Variants in PLA2G4F observed in about 807,000 individuals in gnomAD.
PLA2G4F encodes the protein cytosolic phospholipase A2 zeta.
In PLA2G4F, 105 loss-of-function variants were observed where a neutral mutation model predicts 103.1. The ratio of observed to expected loss-of-function variants is 1.02; its 90% confidence interval spans 0.87 to 1.20. The LOEUF is 1.20. Ranked by LOEUF, PLA2G4F falls within the 50% of genes most tolerant of loss-of-function variation. The probability of loss-of-function intolerance (pLI) is 0.00; values close to 1 mark genes in which losing one functional copy is unlikely to be tolerated. For missense variants in PLA2G4F, 1,155 were observed against 1,075.9 expected (o/e 1.07, Z -1.03); for synonymous variants, 468 against 441.1 (o/e 1.06, Z -0.76).
intron 6 of PLA2G4F, 51 bp downstream of exon 6, chr15:42,153,249 C>T (rs1216201155): frequency 1.0e-5 from 16 of 1,568,564 alleles, no homozygotes; most frequent in Non-Finnish European, 1.3e-5. Flanking sequence ...GTCACGGGTT[C>T]CTCACTGCCC....
intron 6 of PLA2G4F, among the ~76,000 whole-genome samples, chr15:42,152,980 C>T (rs564468970): frequency 1.3e-5 from 2 of 152,310 alleles, no homozygotes; most frequent in South Asian, 2.1e-4. Context: ...AGCCCCTCTC[C>T]CCAGACTCAG....
chr15:42,150,923 C>G, intron 7 of PLA2G4F, 146 bp from the exon 8 acceptor site: 3 of 1,449,716 alleles, frequency 2.1e-6, no homozygotes, highest in Non-Finnish European at 2.7e-6. Flanking sequence ...CTCTTGAGCA[C>G]TGCTCATAGA....
In PLA2G4F at chr15:42,142,681, G is replaced by T; in HGVS notation, c.2176C>A (p.Arg726=). The change falls in exon 19 of 20, where the codon CGA becomes AGA. Residue 726 remains arginine, a synonymous_variant. Coordinates refer to ENST00000397272, the MANE Select transcript of PLA2G4F (RefSeq NM_213600.4). ...LKMTEKYCLD[R]GIPFPSIEVG... ...TCGATGCTAGGGAAGGGGATTCCTC[G>T]GTCCAGGCAGTACTTCTCTGTCATC... 3 of 1,614,056 alleles carry T rather than the reference G, an allele frequency of 1.9e-6. No homozygotes were observed. Among genetic ancestry groups the T allele is most frequent in the Non-Finnish European group, 2.5e-6 (3 of 1,180,012 alleles).
Position 42,154,201 on chromosome 15 carries a change from A to C in PLA2G4F, c.341T>G (p.Leu114Arg). 6.2e-7 allele frequency: 1 copy of C among 1,614,224 alleles called. No individual in the cohort carries two copies. Among genetic ancestry groups the C allele is most frequent in the African/African-American group, 1.3e-5 (1 of 75,062 alleles). Reference sequence around the variant, plus strand: ...GCTGCCCAGGATGTCCTTGTCATAGAGGGTGAGCTCCAGGACGTTCTGGGG... The same window carrying C: ...GCTGCCCAGGATGTCCTTGTCATAGCGGGTGAGCTCCAGGACGTTCTGGGG... ...GAVKNVLELT[L>R]YDKDILGSDQ... Residue 114 changes from leucine (L) to arginine (R), a missense_variant, in exon 4 of 20, where the codon CTC (leucine) becomes CGC (arginine). Transcript: ENST00000397272.
rs201687925 is a variant in PLA2G4F, at chr15:42,147,334, T to G, written c.1209A>C (p.Thr403=). 1 of 1,606,632 alleles carries G rather than the reference T, an allele frequency of 6.2e-7. No homozygotes were observed. The highest frequency in any genetic ancestry group is 2.2e-5 in the East Asian group (1 of 44,834). The change falls in exon 13 of 20, where the codon ACA becomes ACC. Residue 403 remains threonine (T), a synonymous_variant. Transcript: ENST00000397272. ...GGGACCAGGCTGGGTCCCTGTAGAG[T>G]GTGGAGATGCACCTGGGGATTGGAG... ...GVSGSTWCIS[T]LYRDPAWSQV... is the part of the protein sequence containing the mutation.
chr15:42,149,738 A>T lies in PLA2G4F; in HGVS notation c.1034T>A (p.Leu345Ter). The T allele has an allele frequency of 6.2e-7, 1 of 1,614,148 alleles. No individual in the cohort carries two copies. The highest frequency in any genetic ancestry group is 8.5e-7 in the Non-Finnish European group (1 of 1,180,006). Residue 345 changes from leucine (L) to a stop codon, truncating the protein, a stop_gained, in exon 11 of 20, where the codon TTG becomes TAG. Transcript: ENST00000397272. LOFTEE classifies it high-confidence loss of function. ...VSKALQQVLG[L>*]SEALDSGQVP... ...CTGGCCACTGTCCAGAGCCTCACTC[A>T]ATCCCAGCACTTGCTGCAGGGCCTT...
intron 13 of PLA2G4F, among the ~76,000 whole-genome samples, chr15:42,146,507 G>A (rs1190549471): frequency 3.3e-5 from 5 of 152,208 alleles, no homozygotes; most frequent in African/African-American, 1.2e-4. Flanking sequence ...AGAACACCAG[G>A]GAGTCAGGGT....
At chr15:42,142,906 C>A (rs2141124820) in intron 18 of PLA2G4F, among the ~76,000 whole-genome samples, 192 bp from the exon 19 acceptor site, 1 of 152,168 alleles carries the variant, frequency 6.6e-6, no homozygotes, top group African/African-American at 2.4e-5. Flanking sequence ...TCCGGCCGGG[C>A]ATGGTGGCTC....
At chr15:42,144,838 CTA>C (rs773009014) in intron 16 of PLA2G4F, among the ~76,000 whole-genome samples, 194 bp from the exon 17 acceptor site, 83 of 152,318 alleles carry the variant, frequency 5.4e-4, no homozygotes, top group Admixed American at 2.7e-3. Flanking sequence ...TTTGTATCCT[CTA>C]TGTTTTGAAA....
chr15:42,155,347 T>C (rs2049005766), intron 2 of PLA2G4F, among the ~76,000 whole-genome samples, 170 bp downstream of exon 2: 1 of 152,072 alleles, frequency 6.6e-6, no homozygotes, highest in Non-Finnish European at 1.5e-5. Flanking sequence ...CACACATACT[T>C]GCACAGATGC....
chr15:42,148,902 A>G (rs1438537599), intron 11 of PLA2G4F: 1 of 985,320 alleles, frequency 1.0e-6, no homozygotes, highest in East Asian at 1.1e-4. Flanking sequence ...GACAGAGCAG[A>G]CACCTAGCAC....
chr15:42,150,487 CTG>C lies in PLA2G4F; in HGVS notation c.772-3_772-2del. ...CCTCCAACTCTGCGCTGGGGCCACTCTGTGGAAAAGAAAACACCCAAGAAGCT... is the reference window on the plus strand; with the variant it reads ...CCTCCAACTCTGCGCTGGGGCCACTCTGGAAAAGAAAACACCCAAGAAGCT... On this transcript the variant is annotated splice_acceptor_variant and splice_polypyrimidine_tract_variant and intron_variant, in intron 8 of 19. Transcript: ENST00000397272. LOFTEE classifies it high-confidence loss of function. 6.8e-6 allele frequency: 11 copies of C among 1,611,122 alleles called. No homozygotes were observed. The highest frequency in any genetic ancestry group is 9.3e-6 in the Non-Finnish European group (11 of 1,178,972).
In PLA2G4F at chr15:42,148,685, G is replaced by T. The variant is rs986594234; in HGVS notation, c.1060-923C>A. ...CTAGACCTGCCCCCAGGCACCAAAG[G>T]TGCCCAGAGGTTTTAAGGTCTCAGG... On this transcript the variant is annotated intron_variant, in intron 11 of 19. Coordinates refer to ENST00000397272, the MANE Select transcript of PLA2G4F (RefSeq NM_213600.4). The T allele has an allele frequency of 9.1e-6, 9 of 985,418 alleles. No individual in the cohort carries two copies. In the Admixed American group the frequency reaches 3.1e-4, roughly 34 times the overall value. 61.0% of individuals were successfully genotyped at this position (985,418 alleles called of 1,614,324 possible).
At chr15:42,144,980 A>G (rs911735967) in intron 16 of PLA2G4F, among the ~76,000 whole-genome samples, 1 of 152,238 alleles carries the variant, frequency 6.6e-6, no homozygotes, top group African/African-American at 2.4e-5. Flanking sequence ...CCAGCACTGC[A>G]CTAGGCATGA....
At position 42,156,467 on chromosome 15, in the gene PLA2G4F, T is replaced by TTC. The variant is rs1484326336; in HGVS notation, c.81_82dup (p.Lys28ArgfsTer22). The TTC allele has an allele frequency of 1.3e-6, 2 of 1,564,594 alleles. No individual in the cohort carries two copies. The highest frequency in any genetic ancestry group is 1.7e-6 in the Non-Finnish European group (2 of 1,153,562). ...CCAGTGCCTCCACAGAGGGCCCCTCTTCTCTCTCTTCTGAAGCAGCACTGC... is the reference window on the plus strand; with the variant it reads ...CCAGTGCCTCCACAGAGGGCCCCTCTTCTCTCTCTCTTCTGAAGCAGCACTGC... On this transcript the variant is annotated frameshift_variant, in exon 1 of 20. Transcript: ENST00000397272. LOFTEE classifies it high-confidence loss of function.
rs530641424 is a variant in PLA2G4F, at chr15:42,150,298, G to A, written c.885+75C>T. 5.4e-4 allele frequency: 823 copies of A among 1,538,166 alleles called. 13 individuals carry two copies. The South Asian group carries it at 8.8e-3, about 17-fold the overall frequency. On this transcript the variant is annotated intron_variant, in intron 9 of 19. Coordinates refer to ENST00000397272, the MANE Select transcript of PLA2G4F (RefSeq NM_213600.4). ...TGACCTGATCCAGCCACCCTCTTGG[G>A]TCCCTCCTCCAGACCTCTCTTGGTG...
Position 42,149,002 on chromosome 15 carries a change from T to C in PLA2G4F, c.1059+711A>G, listed in dbSNP as rs143159500. On this transcript the variant is annotated intron_variant, in intron 11 of 19. Coordinates refer to ENST00000397272, the MANE Select transcript of PLA2G4F (RefSeq NM_213600.4). ...GCGTCTCCTGAGGACTCAGGCAGCC[T>C]GGAGGAAGCCGGCAGCCTATTCCTG... 102 of 985,328 alleles carry C rather than the reference T, an allele frequency of 1.0e-4. No individual in the cohort carries two copies. In the East Asian group the frequency reaches 5.6e-3, roughly 54 times the overall value. 61.0% of individuals were successfully genotyped at this position (985,328 alleles called of 1,614,324 possible). A position where few individuals can be genotyped will look rare whatever the true frequency, so the allele number is the denominator to read the frequency against.
In PLA2G4F at chr15:42,147,314, C is replaced by T. The variant is rs751862750; in HGVS notation, c.1229G>A (p.Trp410Ter). The T allele has an allele frequency of 1.9e-6, 3 of 1,609,234 alleles. No homozygotes were observed. Among genetic ancestry groups the T allele is most frequent in the East Asian group, 2.2e-5 (1 of 44,884 alleles). ...GGGGCCCTGCAAGGCCACCTGGGAC[C>T]AGGCTGGGTCCCTGTAGAGTGTGGA... ...CISTLYRDPA[W>*]SQVALQGPIE... is the part of the protein sequence containing the mutation. The change falls in exon 13 of 20, where the codon TGG becomes TAG. Residue 410 changes from tryptophan (W) to a stop codon, truncating the protein, a stop_gained. Transcript: ENST00000397272. LOFTEE classifies it high-confidence loss of function.
In PLA2G4F at chr15:42,150,129, C is replaced by A. The variant is rs2048940425; in HGVS notation, c.898G>T (p.Ala300Ser). The A allele has an allele frequency of 6.2e-7, 1 of 1,614,196 alleles. No individual in the cohort carries two copies. Among genetic ancestry groups the A allele is most frequent in the Non-Finnish European group, 8.5e-7 (1 of 1,180,026 alleles). Residue 300 changes from alanine to serine, a missense_variant, in exon 10 of 20, where the codon GCT becomes TCT. Coordinates refer to ENST00000397272, the MANE Select transcript of PLA2G4F (RefSeq NM_213600.4). ...SVALGEGQEV[A>S]LSMKVEMSSG... is the part of the protein sequence containing the mutation. ...CTCATTTCCACCTTCATGCTCAGAG[C>A]CACCTCCTGGCCCTGAAAGACACAG...
Sources: gnomAD v4.1 joint callset for allele counts (sites outside exome capture counted in the v4.1 genomes callset) on GRCh38, gnomAD v4.1.1 for gene constraint, MANE v1.5 for transcripts, NCBI Gene and HGNC (gene_info 2026-07-23, HGNC 2026-07-21) for gene names.